Variants in FHOD3 observed in about 807,000 individuals in gnomAD.
The protein encoded by FHOD3 is formin homology 2 domain containing 3.
Under a neutral mutation model 173.0 loss-of-function variants are expected in FHOD3, and 90 were observed. That is an observed-to-expected ratio of 0.52 (90% confidence interval 0.44 to 0.62). The LOEUF (loss-of-function observed/expected upper bound fraction) is 0.62, where lower values mean the gene tolerates loss of function less well. Ranked by LOEUF, FHOD3 falls within the 20% of genes least tolerant of loss-of-function variation. The pLI is 0.00. For synonymous variants in FHOD3, 828 were observed against 823.0 expected (o/e 1.01, Z -0.10); for missense variants, 1,945 against 2,034.7 (o/e 0.96, Z 0.85).
intron 7 of FHOD3, among the ~76,000 whole-genome samples, chr18:36,600,941 C>T (rs977117745): frequency 6.6e-6 from 1 of 152,186 alleles, no homozygotes; most frequent in South Asian, 2.1e-4. Flanking sequence ...AGGTTTTATA[C>T]AAAATGTGAA....
intron 4 of FHOD3, among the ~76,000 whole-genome samples, chr18:36,507,176 G>A (rs1385968065): frequency 1.3e-5 from 2 of 152,234 alleles, no homozygotes; most frequent in African/African-American, 4.8e-5. Flanking sequence ...TAAATTCAGA[G>A]TCAGGAGTGG....
At chr18:36,625,334 G>T (rs2034017543) in intron 9 of FHOD3, among the ~76,000 whole-genome samples, 177 bp from the exon 10 acceptor site, 10 of 152,232 alleles carry the variant, frequency 6.6e-5, no homozygotes, top group Admixed American at 6.5e-4. Flanking sequence ...CAGTGCCCAG[G>T]CTGTGTTTGG....
At chr18:36,661,382 G>C (rs1160556792) in intron 14 of FHOD3, among the ~76,000 whole-genome samples, 1 of 152,060 alleles carries the variant, frequency 6.6e-6, no homozygotes, top group Non-Finnish European at 1.5e-5. Context: ...AAGATTTATG[G>C]TTGGTATGTT....
intron 28 of FHOD3, chr18:36,778,617 A>G (rs2043861451): frequency 6.6e-6 from 1 of 152,192 alleles, no homozygotes; most frequent in South Asian, 2.1e-4. Context: ...ACACAAGCCA[A>G]TTCTAAGTCA....
intron 3 of FHOD3, among the ~76,000 whole-genome samples, chr18:36,400,412 C>T (rs957797530): frequency 1.3e-5 from 2 of 152,174 alleles, no homozygotes; most frequent in African/African-American, 4.8e-5. Flanking sequence ...TGCCCCTACC[C>T]CCACAGCTCT....
intron 3 of FHOD3, among the ~76,000 whole-genome samples, chr18:36,383,855 G>C (rs1451040152): frequency 1.3e-5 from 2 of 152,162 alleles, no homozygotes; most frequent in African/African-American, 4.8e-5. Flanking sequence ...ATATCTGTTT[G>C]CCTGACTGCA....
intron 3 of FHOD3, among the ~76,000 whole-genome samples, chr18:36,376,635 A>C (rs879261461): frequency 6.6e-6 from 1 of 152,228 alleles, no homozygotes; most frequent in East Asian, 1.9e-4. Flanking sequence ...CAGATGGTCA[A>C]GTCACAGGGA....
chr18:36,499,700 C>G (rs2054929083), intron 3 of FHOD3, among the ~76,000 whole-genome samples: 1 of 152,164 alleles, frequency 6.6e-6, no homozygotes, highest in Admixed American at 6.5e-5. Context: ...TATGTTGAGG[C>G]CACACAGACT....
intron 6 of FHOD3, 83 bp downstream of exon 6, chr18:36,576,628 A>G: frequency 9.2e-7 from 1 of 1,089,818 alleles, no homozygotes; most frequent in Non-Finnish European, 1.3e-6. Flanking sequence ...TTTTGCAGAA[A>G]GAAATTTTAT....
At position 36,681,467 on chromosome 18, in the gene FHOD3, T is replaced by G. The variant is rs550295372; in HGVS notation, c.1867T>G (p.Phe623Val). 1.2e-6 allele frequency: 2 copies of G among 1,613,828 alleles called. No homozygotes were observed. Among genetic ancestry groups the G allele is most frequent in the East Asian group, 4.5e-5 (2 of 44,866 alleles). The change falls in exon 15 of 29, where the codon TTC becomes GTC. Residue 623 changes from phenylalanine to valine, a missense_variant. By Grantham distance (50) the Phe-to-Val change is conservative. Around this residue, in one of 5 missense-constraint regions of FHOD3, gnomAD observed 1,099 missense variants for 1,051.2 expected, o/e 1.05. Coordinates refer to ENST00000590592, the MANE Select transcript of FHOD3 (RefSeq NM_001281740.3). Reference sequence around the variant, plus strand: ...ACCGAGTGGTCTTCTCACATCATCCTTCAGGCAGCACCAAGAGTCACTGGC... The same window carrying G: ...ACCGAGTGGTCTTCTCACATCATCCGTCAGGCAGCACCAAGAGTCACTGGC... ...SSPSGLLTSSFRQHQESLAAE... is the reference protein window; with the variant it reads ...SSPSGLLTSSVRQHQESLAAE...
intron 3 of FHOD3, among the ~76,000 whole-genome samples, chr18:36,495,527 G>A (rs2054699492): frequency 6.6e-6 from 1 of 152,196 alleles, no homozygotes; most frequent in Admixed American, 6.5e-5. Context: ...CCCTCTTGCT[G>A]GCTTAGGGTA....
chr18:36,425,351 G>A (rs928178373), intron 3 of FHOD3, among the ~76,000 whole-genome samples: 13 of 152,124 alleles, frequency 8.5e-5, no homozygotes, highest in African/African-American at 2.7e-4. Context: ...AAGAGGGACC[G>A]CTATATTATA....
At chr18:36,503,237 A>T (rs553613777) in intron 4 of FHOD3, among the ~76,000 whole-genome samples, 2 of 152,206 alleles carry the variant, frequency 1.3e-5, no homozygotes, top group South Asian at 2.1e-4. Context: ...CATAGAGAAG[A>T]TGGTTTTTGC....
chr18:36,694,446 G>A (rs563695780), intron 17 of FHOD3, among the ~76,000 whole-genome samples: 141 of 152,254 alleles, frequency 9.3e-4, no homozygotes, highest in African/African-American at 3.1e-3. Flanking sequence ...CGTTACTCCC[G>A]ATCCCTGAGC....
At chr18:36,334,494 T>C (rs952578697) in intron 1 of FHOD3, among the ~76,000 whole-genome samples, 1 of 152,226 alleles carries the variant, frequency 6.6e-6, no homozygotes, top group African/African-American at 2.4e-5. Context: ...TCAATAACTA[T>C]TTAAGGACAC....
chr18:36,644,943 G>T (rs1031652767), intron 10 of FHOD3, among the ~76,000 whole-genome samples: 1 of 152,150 alleles, frequency 6.6e-6, no homozygotes, highest in African/African-American at 2.4e-5. Flanking sequence ...TTTTAAAGAG[G>T]AGAGGCCCAT....
intron 1 of FHOD3, among the ~76,000 whole-genome samples, chr18:36,301,208 C>T (rs2091950320): frequency 6.6e-6 from 1 of 152,210 alleles, no homozygotes; most frequent in Non-Finnish European, 1.5e-5. Context: ...TTCTCCTGTG[C>T]TGGCAACCTT....
intron 14 of FHOD3, among the ~76,000 whole-genome samples, chr18:36,666,927 C>T (rs943720009): frequency 1.3e-5 from 2 of 152,190 alleles, no homozygotes; most frequent in Non-Finnish European, 2.9e-5. Flanking sequence ...TGCCCTTCCC[C>T]ATCCCTAAGC....
chr18:36,384,097 C>T (rs751938688), intron 3 of FHOD3, among the ~76,000 whole-genome samples: 4 of 152,108 alleles, frequency 2.6e-5, no homozygotes, highest in Non-Finnish European at 5.9e-5. Flanking sequence ...ATGATAATAT[C>T]GCCTTTAAAA....
Sources: allele counts gnomAD v4.1 joint callset (sites outside exome capture counted in the v4.1 genomes callset), GRCh38; gene constraint gnomAD v4.1.1; regional missense constraint gnomAD v4.1.1; transcripts MANE v1.5; gene names NCBI Gene and HGNC (gene_info 2026-07-23, HGNC 2026-07-21).